Variants in TENM1 observed in about 807,000 individuals in gnomAD.
TENM1 encodes the protein teneurin-1.
A neutral mutation model predicts 174.8 loss-of-function variants in TENM1; 35 were observed. The ratio of observed to expected loss-of-function variants is 0.20; its 90% CI spans 0.15 to 0.27. The LOEUF (loss-of-function observed/expected upper bound fraction) is 0.27. Ranked by LOEUF, TENM1 falls within the 10% of genes least tolerant of loss-of-function variation. The probability of loss-of-function intolerance (pLI) is 1.00; values close to 1 mark genes in which losing one functional copy is unlikely to be tolerated. For missense variants in TENM1, 1,633 were observed against 2,130.1 expected, an observed-to-expected ratio of 0.77 and a Z score of 4.59; for synonymous variants, 781 against 798.7, an observed-to-expected ratio of 0.98 and a Z score of 0.37.
At chrX:124,604,501 G>A (rs1271502712) in intron 11 of TENM1, among the ~76,000 whole-genome samples, 2 of 110,717 alleles carry the variant, frequency 1.8e-5, no homozygotes, top group African/African-American at 3.3e-5. Context: ...GAAGCTGTTG[G>A]GGCAGAAACT....
rs181717278 is a variant in TENM1, at chrX:124,579,495, T to G, written c.2078-13935A>C. Among the ~76,000 whole-genome samples the G allele has an allele frequency of 1.9e-3, 218 of 111,943 alleles. 1 individual carries two copies. Among genetic ancestry groups the G allele is most frequent in the Admixed American group, 0.019 (196 of 10,495 alleles). On this transcript the variant is annotated intron_variant, in intron 11 of 31. Transcript: ENST00000422452. The stretch of plus-strand genomic sequence containing the variant: ...CACTTGAAGCTTGAATGACACCTTC[T>G]TCAGGCAACAGTCCATGGTCTAAGA...
chrX:125,091,769 T>C, the TENM1 span, among the ~76,000 whole-genome samples: 16,726 of 108,861 alleles, frequency 0.15, 1,064 homozygotes, highest in Admixed American at 0.31. Flanking sequence ...GGGTGGATCA[T>C]GAGGTCAAGA....
chrX:125,122,799 A>C, the TENM1 span, among the ~76,000 whole-genome samples: 1 of 108,437 alleles, frequency 9.2e-6, no homozygotes, highest in African/African-American at 3.3e-5. Flanking sequence ...GAATAAGTAG[A>C]AACTTATTTT....
intron 11 of TENM1, among the ~76,000 whole-genome samples, chrX:124,614,554 G>C (rs1038936368): frequency 3.6e-5 from 4 of 112,148 alleles, no homozygotes; most frequent in African/African-American, 1.3e-4. Flanking sequence ...ATTCAAGCTA[G>C]AAGTGGGGTT....
intron 23 of TENM1, among the ~76,000 whole-genome samples, chrX:124,443,072 G>GTA (rs1556638320): frequency 0.016 from 1,549 of 97,510 alleles, 45 homozygotes; most frequent in African/African-American, 0.055. Context: ...GTGTGTGTGT[G>GTA]TGTGTGTGTG....
intron 11 of TENM1, among the ~76,000 whole-genome samples, chrX:124,612,803 T>A (rs1378753058): frequency 9.0e-6 from 1 of 110,637 alleles, no homozygotes; most frequent in Non-Finnish European, 1.9e-5. Flanking sequence ...ATCATCTATC[T>A]ATCATTGATC....
At chrX:124,496,206 C>T (rs1014160961) in intron 20 of TENM1, among the ~76,000 whole-genome samples, 4 of 111,124 alleles carry the variant, frequency 3.6e-5, no homozygotes, top group Non-Finnish European at 7.6e-5. Context: ...TTACACCTTA[C>T]ACAAAAATCA....
chrX:125,016,758 C>T, the TENM1 span, among the ~76,000 whole-genome samples: 7 of 111,597 alleles, frequency 6.3e-5, no homozygotes, highest in African/African-American at 2.3e-4. Context: ...ATAGCCAAGA[C>T]AATCCTAAGC....
At chrX:124,538,506 T>C (rs907215771) in intron 15 of TENM1, among the ~76,000 whole-genome samples, 4 of 111,817 alleles carry the variant, frequency 3.6e-5, no homozygotes, top group Non-Finnish European at 7.5e-5. Context: ...ATAAAGAGCT[T>C]ACCCGATTCT....
At chrX:124,762,805 T>C (rs2054452136) in intron 3 of TENM1, among the ~76,000 whole-genome samples, 1 of 111,619 alleles carries the variant, frequency 9.0e-6, no homozygotes, top group African/African-American at 3.3e-5. Flanking sequence ...GAAGATTACA[T>C]GGTCAACCAG....
the TENM1 span, among the ~76,000 whole-genome samples, chrX:124,979,823 A>C: frequency 0.023 from 2,555 of 111,825 alleles, 57 homozygotes; most frequent in Middle Eastern, 0.082. Context: ...GAGATTTAAG[A>C]GACATACTAA....
At chrX:124,581,854 C>T (rs183381151) in intron 11 of TENM1, among the ~76,000 whole-genome samples, 64 of 111,515 alleles carry the variant, frequency 5.7e-4, no homozygotes, top group African/African-American at 1.4e-3. Flanking sequence ...AGAGAAGTGT[C>T]TATTCATATC....
chrX:124,751,217 TA>T (rs764388148), intron 3 of TENM1, among the ~76,000 whole-genome samples: 3 of 111,489 alleles, frequency 2.7e-5, no homozygotes, highest in Non-Finnish European at 3.8e-5. Context: ...ATTATGTACC[TA>T]AAAAAAATTC....
the TENM1 span, among the ~76,000 whole-genome samples, chrX:125,094,825 G>A: frequency 3.6e-5 from 4 of 112,084 alleles, no homozygotes; most frequent in Non-Finnish European, 5.6e-5. Flanking sequence ...TATTTTGATT[G>A]TCAGAACCTT....
At chrX:124,599,253 C>T (rs1203545885) in intron 11 of TENM1, among the ~76,000 whole-genome samples, 3 of 111,316 alleles carry the variant, frequency 2.7e-5, no homozygotes, top group Non-Finnish European at 5.7e-5. Context: ...CTTAGTTTGG[C>T]ATGTGCAACT....
intron 3 of TENM1, among the ~76,000 whole-genome samples, chrX:124,864,309 T>C (rs2056965897): frequency 1.8e-5 from 2 of 111,509 alleles, no homozygotes; most frequent in Admixed American, 9.5e-5. Context: ...AGACAGAGGA[T>C]CCAAAATAGC....
At chrX:124,731,787 TG>T (rs2053571142) in intron 4 of TENM1, among the ~76,000 whole-genome samples, 1 of 111,974 alleles carries the variant, frequency 8.9e-6, no homozygotes, top group African/African-American at 3.2e-5. Context: ...TCGGTAAGAA[TG>T]TAAGCATACT....
At position 124,475,364 on chromosome X, in the gene TENM1, C is replaced by T. The variant is rs188293307; in HGVS notation, c.3949+6368G>A. ...TTCCATTGACTGATAAGCATTGCCA[C>T]ATCTCCCCTTATAGAAAAAGGCTTC... On this transcript the variant is annotated intron_variant, in intron 22 of 31. Transcript: ENST00000422452. 3.6e-5 allele frequency among the ~76,000 whole-genome samples: 4 copies of T among 111,721 alleles called. No individual in the cohort carries two copies. In the East Asian group the frequency reaches 1.1e-3, roughly 31 times the overall value.
chrX:125,203,894 C>G, the TENM1 span: 1 of 113,089 alleles, frequency 8.8e-6, no homozygotes, highest in African/African-American at 3.2e-5. Context: ...CTGCCAGTGC[C>G]CGGGACTTAG....
Sources: gnomAD v4.1 joint callset for allele counts (sites outside exome capture counted in the v4.1 genomes callset) on GRCh38, gnomAD v4.1.1 for gene constraint, MANE v1.5 for transcripts, NCBI Gene and HGNC (gene_info 2026-07-23, HGNC 2026-07-21) for gene names.